The following GFRA3 variants were observed in gnomAD, a reference collection of about 807,000 sequenced individuals.
GFRA3 encodes GDNF family receptor alpha 3.
Under a neutral mutation model 40.0 loss-of-function variants are expected in GFRA3, and 24 were observed. That is an observed-to-expected ratio of 0.60 (90% CI 0.43 to 0.84). GFRA3 has a LOEUF of 0.84. Among genes scored for constraint, GFRA3 ranks in the 40% least tolerant of loss-of-function variants. The probability of loss-of-function intolerance (pLI) is 0.00; values close to 1 mark genes in which losing one functional copy is unlikely to be tolerated. For synonymous variants in GFRA3, 203 were observed against 213.5 expected (o/e 0.95, Z 0.43); for missense variants, 405 against 530.6 (o/e 0.76, Z 2.33).
intron 2 of GFRA3, among the ~76,000 whole-genome samples, chr5:138,260,120 CCCCACCTGTTG>C (rs906861889): frequency 2.6e-4 from 39 of 152,268 alleles, no homozygotes; most frequent in African/African-American, 8.7e-4. Flanking sequence ...GATTATACGT[CCCCACCTGTTG>C]CCATGTAACT....
At chr5:138,259,218 C>A (rs1755678435) in intron 3 of GFRA3, among the ~76,000 whole-genome samples, 1 of 152,228 alleles carries the variant, frequency 6.6e-6, no homozygotes, top group Non-Finnish European at 1.5e-5. Flanking sequence ...ACTTTCCCAG[C>A]TGCCTTGAAT....
intron 1 of GFRA3, among the ~76,000 whole-genome samples, chr5:138,266,687 TTTTC>T: frequency 6.6e-6 from 1 of 152,104 alleles, no homozygotes; most frequent in Non-Finnish European, 1.5e-5. Context: ...TTTTCTTTTC[TTTTC>T]TTTTCTTTTT....
At chr5:138,256,312 A>G (rs1315653059) in intron 4 of GFRA3, among the ~76,000 whole-genome samples, 1 of 150,768 alleles carries the variant, frequency 6.6e-6, no homozygotes, top group Non-Finnish European at 1.5e-5. Flanking sequence ...GCGGATCACG[A>G]GGTTAGGAGA....
rs1388336189 is a variant in GFRA3 at position 138,254,063 on chromosome 5, GC to G, written c.882del (p.Leu295Ter). ...EQSRCLRAYL[G>X]LIGTAMTPNF... ...CACATGCCCCCAGCCTCACCAATCA[GC>G]CCCAGGTATGCTCGTAGACATCTGG... On this transcript the variant is annotated frameshift_variant, in exon 5 of 8. Coordinates refer to ENST00000274721, the MANE Select transcript of GFRA3 (RefSeq NM_001496.4). LOFTEE classifies it high-confidence loss of function. 14 of 1,606,294 alleles carry G rather than the reference GC, an allele frequency of 8.7e-6. No individual in the cohort carries two copies. The highest frequency in any genetic ancestry group is 1.2e-5 in the Non-Finnish European group (14 of 1,172,962).
chr5:138,265,678 C>T (rs577740722), intron 1 of GFRA3, among the ~76,000 whole-genome samples: 1 of 151,938 alleles, frequency 6.6e-6, no homozygotes, highest in South Asian at 2.1e-4. Flanking sequence ...CCTTCTCCTT[C>T]TCTTCTCCTT....
Position 138,259,555 on chromosome 5 carries a change from A to T in GFRA3, c.472+2T>A, listed in dbSNP as rs1466430273. The T allele has an allele frequency of 2.8e-6, 4 of 1,434,660 alleles. No individual in the cohort carries two copies. Among genetic ancestry groups the T allele is most frequent in the African/African-American group, 1.4e-5 (1 of 71,366 alleles). 88.9% of individuals were successfully genotyped at this position (1,434,660 alleles called of 1,614,324 possible). Reference sequence around the variant, plus strand: ...GTTCCCGAGCCTAGTTGCCCTCCACACCTGGTTTGAGCATGTTCAGTTTGC... The same window carrying T: ...GTTCCCGAGCCTAGTTGCCCTCCACTCCTGGTTTGAGCATGTTCAGTTTGC... On this transcript the variant is annotated splice_donor_variant, in intron 3 of 7. Coordinates refer to ENST00000274721, the MANE Select transcript of GFRA3 (RefSeq NM_001496.4). LOFTEE classifies it high-confidence loss of function.
At chr5:138,265,197 C>T (rs1755765593) in intron 1 of GFRA3, among the ~76,000 whole-genome samples, 1 of 139,576 alleles carries the variant, frequency 7.2e-6, no homozygotes, top group South Asian at 2.3e-4. Flanking sequence ...AGATAAAAAT[C>T]TAGGAGAACT....
At chr5:138,255,429 G>T (rs1755612781) in intron 4 of GFRA3, among the ~76,000 whole-genome samples, 1 of 152,164 alleles carries the variant, frequency 6.6e-6, no homozygotes. Flanking sequence ...CTTCAATTTT[G>T]TAAGTGTTTT....
intron 3 of GFRA3, 64 bp from the exon 4 acceptor site, chr5:138,258,015 C>G: frequency 7.4e-7 from 1 of 1,351,134 alleles, no homozygotes; most frequent in Non-Finnish European, 1.1e-6. Context: ...CCAGGTTCCA[C>G]AGGAACCCCG....
chr5:138,257,518 G>A, intron 4 of GFRA3, 121 bp downstream of exon 4: 1 of 724,870 alleles, frequency 1.4e-6, no homozygotes, highest in Non-Finnish European at 2.2e-6. Flanking sequence ...GCTACTTCGT[G>A]AAGCAGCCAG....
chr5:138,266,180 T>C (rs1333895355), intron 1 of GFRA3, among the ~76,000 whole-genome samples: 1 of 152,228 alleles, frequency 6.6e-6, no homozygotes, highest in Non-Finnish European at 1.5e-5. Flanking sequence ...TTCTTTGGGA[T>C]ACATACCTAG....
At chr5:138,263,619 G>C (rs1561651584) in intron 2 of GFRA3, among the ~76,000 whole-genome samples, 1 of 152,170 alleles carries the variant, frequency 6.6e-6, no homozygotes, top group Non-Finnish European at 1.5e-5. Flanking sequence ...CACGAGAAGG[G>C]AACATCCCAG....
chr5:138,260,009 C>T (rs1342011099), intron 2 of GFRA3, among the ~76,000 whole-genome samples: 3 of 151,966 alleles, frequency 2.0e-5, no homozygotes, highest in Admixed American at 1.3e-4. Context: ...TGAGGAAGTT[C>T]GGAAAGAGAA....
intron 4 of GFRA3, among the ~76,000 whole-genome samples, chr5:138,257,192 T>C (rs192199888): frequency 1.3e-5 from 2 of 152,236 alleles, no homozygotes; most frequent in East Asian, 3.9e-4. Flanking sequence ...ACCCAGGGTT[T>C]AAATTCAAAC....
In GFRA3 at chr5:138,257,732, C is replaced by CG; in HGVS notation, c.691dup (p.Arg231ProfsTer99). On this transcript the variant is annotated frameshift_variant, in exon 4 of 8. Coordinates refer to ENST00000274721, the MANE Select transcript of GFRA3 (RefSeq NM_001496.4). LOFTEE classifies it high-confidence loss of function. Reference sequence around the variant, plus strand: ...GCAGTTGGGGGCGATGGTGTTGCGCCGGCGCTCCCCGCAGCCCCGGTCGTT... The same window carrying CG: ...GCAGTTGGGGGCGATGGTGTTGCGCCGGGCGCTCCCCGCAGCCCCGGTCGTT... 1.9e-6 allele frequency: 3 copies of CG among 1,609,612 alleles called. No homozygotes were observed. The highest frequency in any genetic ancestry group is 2.5e-6 in the Non-Finnish European group (3 of 1,178,102).
At chr5:138,258,838 G>C (rs529650782) in intron 3 of GFRA3, among the ~76,000 whole-genome samples, 10 of 152,242 alleles carry the variant, frequency 6.6e-5, no homozygotes, top group Admixed American at 2.6e-4. Context: ...GGGAAATTAT[G>C]GTGATATTTC....
chr5:138,257,277 G>A (rs1308219266), intron 4 of GFRA3, among the ~76,000 whole-genome samples: 2 of 152,136 alleles, frequency 1.3e-5, no homozygotes, highest in African/African-American at 4.8e-5. Context: ...GACATGTGCC[G>A]TAAGAGAAAA....
chr5:138,268,565 C>T (rs894399079), intron 1 of GFRA3, among the ~76,000 whole-genome samples: 2 of 151,982 alleles, frequency 1.3e-5, no homozygotes, highest in African/African-American at 2.4e-5. Context: ...TATTCAGAAT[C>T]TACAACAAAT....
At chr5:138,274,193 C>A (rs1316305227) in intron 1 of GFRA3, 141 bp downstream of exon 1, 6 of 1,131,716 alleles carry the variant, frequency 5.3e-6, no homozygotes, top group Non-Finnish European at 6.8e-6. Context: ...GCACCCTGGG[C>A]TTCCTGCTCC....
Sources: gnomAD v4.1 joint callset for allele counts (sites outside exome capture counted in the v4.1 genomes callset) on GRCh38, gnomAD v4.1.1 for gene constraint, MANE v1.5 for transcripts, NCBI Gene and HGNC (gene_info 2026-07-23, HGNC 2026-07-21) for gene names.